PTPRN2: variants seen among roughly 807,000 people sequenced by gnomAD.
The protein encoded by PTPRN2 is protein tyrosine phosphatase receptor type N2.
PTPRN2 carries 74 observed loss-of-function variants against 118.8 expected under a neutral mutation model. That is an observed-to-expected ratio of 0.62 (90% CI 0.52 to 0.76). The LOEUF (loss-of-function observed/expected upper bound fraction) is 0.76. Among genes scored for constraint, PTPRN2 ranks in the 30% least tolerant of loss-of-function variants. The pLI, the probability that PTPRN2 is intolerant of heterozygous loss-of-function variation, is 0.00. For synonymous variants in PTPRN2, 641 were observed against 608.0 expected, an observed-to-expected ratio of 1.05 and a Z score of -0.80; for missense variants, 1,481 against 1,394.4, an observed-to-expected ratio of 1.06 and a Z score of -0.99.
chr7:158,419,886 C>T (rs185662777), intron 2 of PTPRN2, among the ~76,000 whole-genome samples: 191 of 152,270 alleles, frequency 1.3e-3, no homozygotes, highest in Non-Finnish European at 2.3e-3. Flanking sequence ...AAGGAAAAGG[C>T]CCACTGACAC....
intron 2 of PTPRN2, among the ~76,000 whole-genome samples, chr7:158,406,797 AGATTT>A (rs2151421775): frequency 6.6e-6 from 1 of 152,328 alleles, no homozygotes; most frequent in Admixed American, 6.5e-5. Context: ...TTTTTGTATT[AGATTT>A]GTGTTTCGGC....
intron 9 of PTPRN2, among the ~76,000 whole-genome samples, chr7:158,131,166 A>C (rs999406542): frequency 6.6e-6 from 1 of 151,334 alleles, no homozygotes; most frequent in African/African-American, 2.4e-5. Flanking sequence ...CCGAAGATGC[A>C]CATCATACCA....
At chr7:158,044,577 G>A (rs183577089) in intron 11 of PTPRN2, among the ~76,000 whole-genome samples, 109 of 151,842 alleles carry the variant, frequency 7.2e-4, no homozygotes, top group Non-Finnish European at 1.4e-3. Context: ...GAGAGCTCGG[G>A]GCCTCGATCA....
intron 11 of PTPRN2, among the ~76,000 whole-genome samples, chr7:158,040,994 G>C (rs1178388411): frequency 6.6e-6 from 1 of 152,202 alleles, no homozygotes; most frequent in Non-Finnish European, 1.5e-5. Context: ...GCCTCCCAAA[G>C]TGCTGGGATC....
chr7:158,520,043 A>G (rs1823869190), intron 1 of PTPRN2, among the ~76,000 whole-genome samples: 1 of 152,366 alleles, frequency 6.6e-6, no homozygotes. Flanking sequence ...AGTGCAACAC[A>G]GAATGATTTT....
intron 11 of PTPRN2, among the ~76,000 whole-genome samples, chr7:158,075,801 G>T (rs1369160868): frequency 1.3e-5 from 2 of 152,230 alleles, no homozygotes; most frequent in Admixed American, 6.5e-5. Flanking sequence ...CGGAGCAGCA[G>T]GATGAGCACG....
intron 12 of PTPRN2, among the ~76,000 whole-genome samples, chr7:157,810,218 G>C (rs904112367): frequency 6.6e-6 from 1 of 152,240 alleles, no homozygotes; most frequent in Non-Finnish European, 1.5e-5. Flanking sequence ...CAAAGGCTGC[G>C]GACAGTGAGC....
intron 6 of PTPRN2, among the ~76,000 whole-genome samples, chr7:158,140,353 CGTAA>C (rs1455044265): frequency 5.3e-5 from 8 of 152,168 alleles, no homozygotes; most frequent in Non-Finnish European, 1.2e-4. Flanking sequence ...AAATTGGACT[CGTAA>C]GTATTTACCC....
At chr7:157,600,264 C>T (rs1211912478) in intron 16 of PTPRN2, among the ~76,000 whole-genome samples, 3 of 151,520 alleles carry the variant, frequency 2.0e-5, no homozygotes, top group African/African-American at 4.8e-5. Context: ...CACATCTCCA[C>T]CTGCCCACAT....
At chr7:157,771,126 A>G (rs1006573412) in intron 12 of PTPRN2, among the ~76,000 whole-genome samples, 8 of 152,248 alleles carry the variant, frequency 5.3e-5, no homozygotes, top group African/African-American at 1.9e-4. Flanking sequence ...CTCCACATGC[A>G]GAGGCCCAGA....
At chr7:157,843,916 G>A (rs971378615) in intron 12 of PTPRN2, among the ~76,000 whole-genome samples, 1 of 152,226 alleles carries the variant, frequency 6.6e-6, no homozygotes, top group South Asian at 2.1e-4. Flanking sequence ...CCACATTGGG[G>A]TCCTTTCGAT....
chr7:158,459,810 A>G (rs2444290), intron 2 of PTPRN2, among the ~76,000 whole-genome samples: 64,324 of 85,262 alleles, frequency 0.75, 23,860 homozygotes, highest in African/African-American at 0.81. Flanking sequence ...GGGGCTGTGT[A>G]CCGTGAGCAC....
chr7:157,772,308 C>CATACACACAGACAT (rs112064977), intron 12 of PTPRN2, among the ~76,000 whole-genome samples: 1,979 of 130,700 alleles, frequency 0.015, 57 homozygotes, highest in African/African-American at 0.061. Context: ...GACATACAGA[C>CATACACACAGACAT]ACACATAGAC....
chr7:158,480,909 G>T (rs1225650589), intron 2 of PTPRN2, among the ~76,000 whole-genome samples: 3 of 152,266 alleles, frequency 2.0e-5, no homozygotes, highest in Non-Finnish European at 4.4e-5. Context: ...ACATAACAGT[G>T]TAAGGTGCAG....
chr7:158,010,430 T>C (rs772381860), intron 11 of PTPRN2, among the ~76,000 whole-genome samples: 3 of 152,198 alleles, frequency 2.0e-5, no homozygotes, highest in Non-Finnish European at 2.9e-5. Context: ...ATTTCTACAC[T>C]TGAAAAAGTA....
chr7:157,608,412 G>C (rs73163822), intron 15 of PTPRN2, among the ~76,000 whole-genome samples: 10,073 of 152,210 alleles, frequency 0.066, 408 homozygotes, highest in African/African-American at 0.11. Context: ...TGGAACCTCC[G>C]GGAAATGCTT....
intron 3 of PTPRN2, among the ~76,000 whole-genome samples, chr7:158,208,788 C>T (rs1431114486): frequency 6.6e-6 from 1 of 152,078 alleles, no homozygotes; most frequent in African/African-American, 2.4e-5. Flanking sequence ...GTGTAAACTG[C>T]TCATATCTGG....
intron 6 of PTPRN2, among the ~76,000 whole-genome samples, chr7:158,140,095 C>A (rs1264428687): frequency 6.6e-6 from 1 of 152,106 alleles, no homozygotes; most frequent in African/African-American, 2.4e-5. Context: ...CTTCTTTTCT[C>A]CTCTTACTTT....
intron 5 of PTPRN2, among the ~76,000 whole-genome samples, chr7:158,176,554 G>C (rs894451268): frequency 6.6e-6 from 1 of 152,182 alleles, no homozygotes; most frequent in African/African-American, 2.4e-5. Context: ...GCACAGGTCT[G>C]GGTGTGGAGG....
Sources: allele counts gnomAD v4.1 joint callset (sites outside exome capture counted in the v4.1 genomes callset), GRCh38; gene constraint gnomAD v4.1.1; transcripts MANE v1.5; gene names NCBI Gene and HGNC (gene_info 2026-07-23, HGNC 2026-07-21).